The following SEC23A variants were observed in gnomAD, a reference collection of about 807,000 sequenced individuals.
SEC23A encodes SEC23 homolog A, COPII component, also known as protein transport protein Sec23A.
A neutral mutation model predicts 103.7 loss-of-function variants in SEC23A; 56 were observed. The ratio of observed to expected loss-of-function variants is 0.54; its 90% CI spans 0.44 to 0.67. The LOEUF (loss-of-function observed/expected upper bound fraction) is 0.67. Ranked by LOEUF, SEC23A falls within the 30% of genes least tolerant of loss-of-function variation. SEC23A has a pLI of 0.00. For missense variants in SEC23A, 784 were observed against 936.4 expected, an observed-to-expected ratio of 0.84 and a Z score of 2.12; for synonymous variants, 281 against 293.0, an observed-to-expected ratio of 0.96 and a Z score of 0.42.
intron 5 of SEC23A, chr14:39,091,150 A>T: frequency 2.6e-6 from 1 of 382,162 alleles, no homozygotes; most frequent in Non-Finnish European, 4.7e-6. Context: ...TTAAGAAAAA[A>T]AAAAGAAACA....
chr14:39,075,916 A>G lies in SEC23A; in HGVS notation c.987+19T>C. ...ACCTGTTTTCTAATAAGGCAAAAAT[A>G]TTTAACAGTCAAAATTACCTTAGTT... On this transcript the variant is annotated intron_variant, in intron 8 of 19. Coordinates refer to ENST00000307712, the MANE Select transcript of SEC23A (RefSeq NM_006364.4). 1 of 1,611,248 alleles carries G rather than the reference A, an allele frequency of 6.2e-7. No individual in the cohort carries two copies. Among genetic ancestry groups the G allele is most frequent in the Non-Finnish European group, 8.5e-7 (1 of 1,177,568 alleles).
intron 17 of SEC23A, chr14:39,041,408 G>GAAAAA (rs1885631519): frequency 3.4e-4 from 3 of 8,816 alleles, no homozygotes; most frequent in Non-Finnish European, 2.1e-4. Context: ...CAAAGAAAAA[G>GAAAAA]CAAAAAAAAA....
intron 2 of SEC23A, chr14:39,094,855 G>T (rs1566515714): frequency 1.7e-6 from 1 of 604,810 alleles, no homozygotes; most frequent in East Asian, 2.8e-5. Context: ...GATAACACAA[G>T]ATGAAGGCAG....
intron 1 of SEC23A, among the ~76,000 whole-genome samples, chr14:39,102,785 C>T (rs1888159377): frequency 6.6e-6 from 1 of 152,160 alleles, no homozygotes; most frequent in Non-Finnish European, 1.5e-5. Context: ...GATGCTCGAA[C>T]CACCGTTTTC....
chr14:39,078,752 G>C (rs546950959), intron 7 of SEC23A, among the ~76,000 whole-genome samples: 2 of 152,222 alleles, frequency 1.3e-5, no homozygotes, highest in Admixed American at 1.3e-4. Flanking sequence ...TGAAGGCTGA[G>C]CTAGAAATAT....
intron 9 of SEC23A, among the ~76,000 whole-genome samples, chr14:39,068,346 T>C (rs973019572): frequency 2.6e-5 from 4 of 152,126 alleles, no homozygotes. Context: ...CAAAATTATA[T>C]ATGGATTTCC....
chr14:39,101,714 C>G (rs1425000719), intron 1 of SEC23A, among the ~76,000 whole-genome samples: 2 of 151,878 alleles, frequency 1.3e-5, no homozygotes, highest in Non-Finnish European at 2.9e-5. Context: ...TGAAAATGTA[C>G]TTGCCAAGTA....
At position 39,093,251 on chromosome 14, in the gene SEC23A, TA is replaced by T. The variant is rs5808022; in HGVS notation, c.222-8del. ...TGCTCGATAATCCACTTGACTGTTTTAAAAAAAAAGAAAAGACATATCAGTT... is the reference window on the plus strand; with the variant it reads ...TGCTCGATAATCCACTTGACTGTTTTAAAAAAAAGAAAAGACATATCAGTT... On this transcript the variant is annotated splice_polypyrimidine_tract_variant and splice_region_variant and intron_variant, in intron 2 of 19. Transcript: ENST00000307712. The T allele has an allele frequency of 9.1e-5, 145 of 1,591,472 alleles. No individual in the cohort carries two copies. Among genetic ancestry groups the T allele is most frequent in the Admixed American group, 3.9e-4 (23 of 58,732 alleles).
At chr14:39,091,090 CT>C in intron 5 of SEC23A, 4 of 409,400 alleles carry the variant, frequency 9.8e-6, no homozygotes, top group South Asian at 5.9e-5. Flanking sequence ...GGACTTTGGT[CT>C]TTTTGACTAA....
At chr14:39,045,364 A>G (rs1885794400) in intron 15 of SEC23A, 40 bp from the exon 16 acceptor site, 15 of 1,502,314 alleles carry the variant, frequency 1.0e-5, no homozygotes, top group African/African-American at 1.4e-5. Context: ...ACTGATTTTA[A>G]TATTAAAACA....
At chr14:39,100,437 G>A (rs1290768170) in intron 1 of SEC23A, among the ~76,000 whole-genome samples, 5 of 143,466 alleles carry the variant, frequency 3.5e-5, no homozygotes, top group African/African-American at 1.0e-4. Flanking sequence ...TTTTTGAGAC[G>A]GAGTTTCGCT....
intron 19 of SEC23A, among the ~76,000 whole-genome samples, chr14:39,035,707 C>T (rs996133275): frequency 1.6e-4 from 25 of 152,204 alleles, no homozygotes; most frequent in African/African-American, 6.0e-4. Context: ...TCTCTGCTCT[C>T]TCCTGTCCAG....
chr14:39,092,912 G>A (rs1330391621), intron 3 of SEC23A: 5 of 489,550 alleles, frequency 1.0e-5, no homozygotes, highest in African/African-American at 2.0e-5. Flanking sequence ...TGCCCAGGCT[G>A]GAGTAGAGTG....
At chr14:39,075,447 TAA>T (rs1198918107) in intron 8 of SEC23A, among the ~76,000 whole-genome samples, 10 of 152,160 alleles carry the variant, frequency 6.6e-5, no homozygotes, top group East Asian at 1.9e-4. Flanking sequence ...AGAACGAATA[TAA>T]GAGAGTCAAA....
At chr14:39,056,443 T>G (rs1886252685) in intron 13 of SEC23A, among the ~76,000 whole-genome samples, 1 of 152,042 alleles carries the variant, frequency 6.6e-6, no homozygotes, top group Non-Finnish European at 1.5e-5. Flanking sequence ...TACTTCAATA[T>G]TTCAAAATTC....
intron 12 of SEC23A, among the ~76,000 whole-genome samples, chr14:39,062,859 G>GA (rs201510685): frequency 9.3e-5 from 14 of 151,290 alleles, no homozygotes; most frequent in Admixed American, 2.6e-4. Flanking sequence ...TCCTGTGGCA[G>GA]AAAAAAAAAT....
At chr14:39,045,405 A>T in intron 15 of SEC23A, 81 bp from the exon 16 acceptor site, 1 of 999,486 alleles carries the variant, frequency 1.0e-6, no homozygotes, top group Non-Finnish European at 1.5e-6. Context: ...ATATTTGATT[A>T]CAAACTATTA....
intron 9 of SEC23A, among the ~76,000 whole-genome samples, chr14:39,069,968 C>G (rs531220737): frequency 1.1e-3 from 169 of 152,326 alleles, no homozygotes; most frequent in Non-Finnish European, 2.0e-3. Flanking sequence ...CATCTGACAT[C>G]CTATCTACCA....
At chr14:39,078,056 C>G (rs1471805008) in intron 7 of SEC23A, among the ~76,000 whole-genome samples, 1 of 151,950 alleles carries the variant, frequency 6.6e-6, no homozygotes, top group South Asian at 2.1e-4. Context: ...TCAAGATCAG[C>G]CTGGGCAACA....
Sources: allele counts gnomAD v4.1 joint callset (sites outside exome capture counted in the v4.1 genomes callset), GRCh38; gene constraint gnomAD v4.1.1; transcripts MANE v1.5; gene names NCBI Gene and HGNC (gene_info 2026-07-23, HGNC 2026-07-21).